CCKAR: variants seen among roughly 807,000 people sequenced by gnomAD.
CCKAR encodes cholecystokinin A receptor, also known as cholecystokinin receptor type A.
Under a neutral mutation model 29.8 loss-of-function variants are expected in CCKAR, and 21 were observed. That is an observed-to-expected ratio of 0.70 (90% CI 0.50 to 1.01). CCKAR has a LOEUF of 1.01. Among genes scored for constraint, CCKAR ranks in the 50% least tolerant of loss-of-function variants. The pLI is 0.00. For synonymous variants in CCKAR, 238 were observed against 221.3 expected (o/e 1.08, Z -0.67); for missense variants, 570 against 560.6 (o/e 1.02, Z -0.17).
rs776185023 is a variant in CCKAR, at chr4:26,485,650, T to C, written c.613A>G (p.Met205Val). Residue 205 changes from methionine to valine, a missense_variant, in exon 3 of 5, where the codon ATG (methionine) becomes GTG (valine). By Grantham distance (21) the Met-to-Val change is conservative. Coordinates refer to ENST00000295589, the MANE Select transcript of CCKAR (RefSeq NM_000730.3). ...ATGCAACCTTACCAGGACTGCTGCA[T>C]AACATCATTTGGCAGTAGAAAGCGG... ...MCRFLLPNDV[M>V]QQSWHTFLLL... 2.1e-5 allele frequency: 34 copies of C among 1,614,188 alleles called. No homozygotes were observed. Among genetic ancestry groups the C allele is most frequent in the Non-Finnish European group, 2.7e-5 (32 of 1,180,026 alleles).
chr4:26,486,872 C>T (rs546221771), intron 2 of CCKAR, among the ~76,000 whole-genome samples: 1 of 152,252 alleles, frequency 6.6e-6, no homozygotes, highest in Non-Finnish European at 1.5e-5. Context: ...CAAGATCGCA[C>T]CACTGCACCC....
rs1737343373 is a variant in CCKAR, at chr4:26,481,543, T to A, written c.*95A>T. ...CTGGAGATGGAGCCTTCCTTCTCCA[T>A]CAGCTCTGCTCCTTCTCTTCCTGAT... is the stretch of plus-strand genomic sequence containing the variant. On this transcript the variant is annotated 3_prime_UTR_variant, in exon 5 of 5. Transcript: ENST00000295589. The A allele has an allele frequency of 2.2e-6, 3 of 1,343,362 alleles. No individual in the cohort carries two copies. The highest frequency in any genetic ancestry group is 3.2e-6 in the Non-Finnish European group (3 of 949,830). 83.2% of individuals were successfully genotyped at this position (1,343,362 alleles called of 1,614,324 possible).
Position 26,482,111 on chromosome 4 carries a change from G to C in CCKAR, c.814C>G (p.Gln272Glu). The change falls in exon 5 of 5, where the codon CAA (glutamine) becomes GAA (glutamate). Residue 272 changes from glutamine to glutamate, a missense_variant. By Grantham distance (29) the Gln-to-Glu change is conservative (BLOSUM62 2). Transcript: ENST00000295589. ...KYEDSDGCYL[Q>E]KTRPPRKLEL... ...AGCTTCCTCGGGGGCCTGGTCTTTT[G>C]CAGGTAACACCCATCGCTGTCCTCA... 1 of 1,614,154 alleles carries C rather than the reference G, an allele frequency of 6.2e-7. No homozygotes were observed. The highest frequency in any genetic ancestry group is 8.5e-7 in the Non-Finnish European group (1 of 1,180,024).
At chr4:26,482,228 A>T in intron 4 of CCKAR, 58 bp from the exon 5 acceptor site, 1 of 1,508,452 alleles carries the variant, frequency 6.6e-7, no homozygotes, top group Non-Finnish European at 9.0e-7. Context: ...GGTAGAAGGC[A>T]TGGAGCCCCC....
chr4:26,482,322 T>TA, intron 4 of CCKAR, 152 bp from the exon 5 acceptor site: 1 of 651,026 alleles, frequency 1.5e-6, no homozygotes, highest in Admixed American at 2.8e-5. Flanking sequence ...GGGTAAGCAT[T>TA]GATCTATACT....
chr4:26,489,304 T>A lies in CCKAR; in HGVS notation c.293A>T (p.Asn98Ile). The change falls in exon 2 of 5, where the codon AAC (asparagine) becomes ATC (isoleucine). Residue 98 changes from asparagine to isoleucine, a missense_variant. Coordinates refer to ENST00000295589, the MANE Select transcript of CCKAR (RefSeq NM_000730.3). ...ATCCTTGAGCAGATTGGGGATGAGG[T>A]TGAACGGCATGCAGAAGAGACAGAG... ...LMLCLFCMPF[N>I]LIPNLLKDFI... is the part of the protein sequence containing the mutation. 1 of 1,614,006 alleles carries A rather than the reference T, an allele frequency of 6.2e-7. No individual in the cohort carries two copies. Among genetic ancestry groups the A allele is most frequent in the Non-Finnish European group, 8.5e-7 (1 of 1,179,996 alleles).
chr4:26,486,157 A>G (rs1418679895), intron 2 of CCKAR, among the ~76,000 whole-genome samples: 1 of 152,364 alleles, frequency 6.6e-6, no homozygotes, highest in East Asian at 1.9e-4. Flanking sequence ...AGCTTTGATT[A>G]TCACCTAACA....
chr4:26,483,030 A>G lies in CCKAR; in HGVS notation c.754+126T>C, dbSNP rs113176883. ...CCGTGACTGTGCTTCTTGACACAGA[A>G]TCTCATAAGAATACTTAAAAGCTTT... On this transcript the variant is annotated intron_variant, in intron 4 of 4. Transcript: ENST00000295589. 24 of 891,766 alleles carry G rather than the reference A, an allele frequency of 2.7e-5. No homozygotes were observed. The African/African-American group carries it at 3.5e-4, about 13-fold the overall frequency. 55.2% of individuals were successfully genotyped at this position (891,766 alleles called of 1,614,324 possible). A position where few individuals can be genotyped will look rare whatever the true frequency, so the allele number is the denominator to read the frequency against.
At chr4:26,484,267 A>G (rs1737403356) in intron 3 of CCKAR, among the ~76,000 whole-genome samples, 1 of 152,114 alleles carries the variant, frequency 6.6e-6, no homozygotes, top group African/African-American at 2.4e-5. Flanking sequence ...ATTCCTTTTC[A>G]AGCCTTGGAA....
In CCKAR at chr4:26,485,869, G is replaced by A. The variant is rs1420163708; in HGVS notation, c.394C>T (p.Leu132=). Reference sequence around the variant, plus strand: ...TATCTCTCTAGAGATATGGCTACCAGATTAAAGGTAGATACACTCACAGAG... The same window carrying A: ...TATCTCTCTAGAGATATGGCTACCAAATTAAAGGTAGATACACTCACAGAG... ...GTSVSVSTFN[L]VAISLERYGA... The change falls in exon 3 of 5, where the codon CTG becomes TTG. Residue 132 remains leucine, a synonymous_variant. Transcript: ENST00000295589. 8 of 1,613,786 alleles carry A rather than the reference G, an allele frequency of 5.0e-6. No homozygotes were observed. The highest frequency in any genetic ancestry group is 1.1e-5 in the South Asian group (1 of 91,026).
rs764043023 is a variant in CCKAR, at chr4:26,489,463, A to G, written c.134T>C (p.Ile45Thr). Residue 45 changes from isoleucine to threonine, a missense_variant, in exon 2 of 5, where the codon ATT becomes ACT. By Grantham distance (89) the Ile-to-Thr change is moderately conservative. Transcript: ENST00000295589. ...CAGGAATATCAAGGAGTACAAGAGA[A>G]TCTGCACCGCTGGCTGCCACTCTGC... ...PSKEWQPAVQ[I>T]LLYSLIFLLS... The G allele has an allele frequency of 1.9e-6, 3 of 1,613,696 alleles. No homozygotes were observed. Among genetic ancestry groups the G allele is most frequent in the African/African-American group, 1.3e-5 (1 of 74,920 alleles).
rs781540707 is a variant in CCKAR at position 26,481,925 on chromosome 4, C to T, written c.1000G>A (p.Ala334Thr). Residue 334 changes from alanine to threonine, a missense_variant, in exon 5 of 5, where the codon GCC becomes ACC. Physicochemically the swap from Ala to Thr is moderately conservative, Grantham distance 58. Coordinates refer to ENST00000295589, the MANE Select transcript of CCKAR (RefSeq NM_000730.3). ...GAGGCGGTGTCGTAGGCCCGCCAGG[C>T]GTTGGCGCTGAAGATGGGCATCCAG... ...LCWMPIFSAN[A>T]WRAYDTASAE... 1.9e-6 allele frequency: 3 copies of T among 1,614,132 alleles called. No homozygotes were observed. The highest frequency in any genetic ancestry group is 1.3e-5 in the African/African-American group (1 of 74,942).
At chr4:26,487,427 G>A (rs994571338) in intron 2 of CCKAR, among the ~76,000 whole-genome samples, 1 of 152,072 alleles carries the variant, frequency 6.6e-6, no homozygotes, top group Non-Finnish European at 1.5e-5. Context: ...GAAGAGTACG[G>A]CCCAAAAATC....
At chr4:26,489,211 A>G in intron 2 of CCKAR, 22 bp downstream of exon 2, 1 of 1,613,418 alleles carries the variant, frequency 6.2e-7, no homozygotes, top group African/African-American at 1.3e-5. Context: ...AGCTCCAGAA[A>G]GAGTCACCAG....
At position 26,483,192 on chromosome 4, in the gene CCKAR, T is replaced by C. The variant is rs1737385426; in HGVS notation, c.718A>G (p.Ile240Val). Residue 240 changes from isoleucine (I) to valine (V), a missense_variant, in exon 4 of 5, where the codon ATA (isoleucine) becomes GTA (valine). Physicochemically the swap from Ile to Val is conservative, Grantham distance 29 (BLOSUM62 3). Coordinates refer to ENST00000295589, the MANE Select transcript of CCKAR (RefSeq NM_000730.3). ...GLISLELYQG[I>V]KFEASQKKSA... The stretch of plus-strand genomic sequence containing the variant: ...TTCTTCTGGCTAGCCTCAAATTTTA[T>C]TCCCTGGTAGAGTTCCAAAGAGATT... 2 of 1,613,748 alleles carry C rather than the reference T, an allele frequency of 1.2e-6. No homozygotes were observed. The highest frequency in any genetic ancestry group is 1.7e-6 in the Non-Finnish European group (2 of 1,179,822).
chr4:26,487,112 T>A (rs1737466319), intron 2 of CCKAR, among the ~76,000 whole-genome samples: 1 of 152,254 alleles, frequency 6.6e-6, no homozygotes, highest in African/African-American at 2.4e-5. Context: ...CCTTCTGCTA[T>A]AAATTCTGTC....
chr4:26,481,738 G>C lies in CCKAR; in HGVS notation c.1187C>G (p.Ala396Gly), dbSNP rs200308893. ...CTCCTCCTCCCCCACCTCTCCCCTCGCCCCTGGGGGACCAGGATTGGGGCA... is the reference window on the plus strand; with the variant it reads ...CTCCTCCTCCCCCACCTCTCCCCTCCCCCCTGGGGGACCAGGATTGGGGCA... Reference protein sequence around the residue: ...PCCPNPGPPGARGEVGEEEEG... With the variant: ...PCCPNPGPPGGRGEVGEEEEG... The change falls in exon 5 of 5, where the codon GCG (alanine) becomes GGG (glycine). Residue 396 changes from alanine to glycine, a missense_variant. Ala to Gly is a moderately conservative substitution (Grantham distance 60). Coordinates refer to ENST00000295589, the MANE Select transcript of CCKAR (RefSeq NM_000730.3). The C allele has an allele frequency of 5.6e-6, 9 of 1,614,086 alleles. No homozygotes were observed. Among genetic ancestry groups the C allele is most frequent in the Non-Finnish European group, 6.8e-6 (8 of 1,179,988 alleles).
rs1421332630 is a variant in CCKAR, at chr4:26,482,502, T to C, written c.755-332A>G. ...GAAGGTTCCTGCTTGCTGGGTAAGA[T>C]TCCAGATTGCTTTTATGATGAGGAA... On this transcript the variant is annotated intron_variant, in intron 4 of 4. Transcript: ENST00000295589. Among the ~76,000 whole-genome samples the C allele has an allele frequency of 5.3e-5, 8 of 152,212 alleles. 1 individual carries two copies. The highest frequency in any genetic ancestry group is 4.1e-4 in the South Asian group (2 of 4,834).
Position 26,483,144 on chromosome 4 carries a change from C to T in CCKAR, c.754+12G>A. 7.4e-6 allele frequency: 12 copies of T among 1,612,884 alleles called. No individual in the cohort carries two copies. Among genetic ancestry groups the T allele is most frequent in the Non-Finnish European group, 1.0e-5 (12 of 1,179,572 alleles). On this transcript the variant is annotated intron_variant, in intron 4 of 4. Transcript: ENST00000295589. Reference sequence around the variant, plus strand: ...CTCATTTGGCATAAACACACAGCTACAAGATAGTTACCTTTAGCAGACTTC... The same window carrying T: ...CTCATTTGGCATAAACACACAGCTATAAGATAGTTACCTTTAGCAGACTTC...
Sources: gnomAD v4.1 joint callset for allele counts (sites outside exome capture counted in the v4.1 genomes callset) on GRCh38, gnomAD v4.1.1 for gene constraint, MANE v1.5 for transcripts, NCBI Gene and HGNC (gene_info 2026-07-23, HGNC 2026-07-21) for gene names.